The following KCND2 variants were observed in gnomAD, a reference collection of about 807,000 sequenced individuals.
The protein encoded by KCND2 is potassium voltage-gated channel subfamily D member 2, also known as A-type voltage-gated potassium channel KCND2.
Under a neutral mutation model 54.4 loss-of-function variants are expected in KCND2, and 16 were observed. The ratio of observed to expected loss-of-function variants is 0.29; its 90% confidence interval spans 0.20 to 0.45. KCND2 has a LOEUF of 0.45. Ranked by LOEUF, KCND2 falls within the 20% of genes least tolerant of loss-of-function variation. The probability of loss-of-function intolerance (pLI) is 1.00; values close to 1 mark genes in which losing one functional copy is unlikely to be tolerated. For missense variants in KCND2, 486 were observed against 824.2 expected, an observed-to-expected ratio of 0.59 and a Z score of 5.02; for synonymous variants, 317 against 310.7, an observed-to-expected ratio of 1.02 and a Z score of -0.21.
intron 1 of KCND2, among the ~76,000 whole-genome samples, chr7:120,566,894 A>T (rs918004044): frequency 6.6e-6 from 1 of 152,028 alleles, no homozygotes; most frequent in Non-Finnish European, 1.5e-5. Flanking sequence ...ATTTACGTTT[A>T]TACCTAAAAC....
chr7:120,366,907 T>C (rs1052881251), intron 1 of KCND2, among the ~76,000 whole-genome samples: 1 of 152,142 alleles, frequency 6.6e-6, no homozygotes, highest in African/African-American at 2.4e-5. Flanking sequence ...GTTGACCTTA[T>C]CTATCCATTC....
At chr7:120,625,076 G>A (rs1286739610) in intron 1 of KCND2, among the ~76,000 whole-genome samples, 1 of 152,154 alleles carries the variant, frequency 6.6e-6, no homozygotes, top group Non-Finnish European at 1.5e-5. Context: ...AAACTAGAAT[G>A]AGACTTGGCC....
At chr7:120,583,675 G>T (rs575253032) in intron 1 of KCND2, among the ~76,000 whole-genome samples, 24 of 151,456 alleles carry the variant, frequency 1.6e-4, no homozygotes, top group Middle Eastern at 3.4e-3. Flanking sequence ...TTAAATTATG[G>T]TCACCTTAAT....
intron 1 of KCND2, among the ~76,000 whole-genome samples, chr7:120,391,991 C>T (rs548745729): frequency 4.0e-5 from 6 of 151,774 alleles, no homozygotes; most frequent in East Asian, 1.9e-4. Flanking sequence ...AATCTTTGCC[C>T]GTGCGTATCC....
intron 1 of KCND2, among the ~76,000 whole-genome samples, chr7:120,473,728 TTA>T (rs1491467981): frequency 3.9e-5 from 6 of 152,192 alleles, no homozygotes; most frequent in Admixed American, 6.5e-5. Flanking sequence ...CAAAGTTTTT[TTA>T]AAAAAATGAA....
intron 1 of KCND2, among the ~76,000 whole-genome samples, chr7:120,536,882 A>T (rs1791918540): frequency 1.3e-5 from 2 of 152,100 alleles, no homozygotes; most frequent in African/African-American, 2.4e-5. Context: ...TCTGATAATG[A>T]TTCACAATAT....
At chr7:120,598,004 C>T (rs186146589) in intron 1 of KCND2, among the ~76,000 whole-genome samples, 18 of 151,798 alleles carry the variant, frequency 1.2e-4, no homozygotes, top group Non-Finnish European at 2.7e-4. Context: ...TAAAAACCGC[C>T]TCCACAAGAG....
chr7:120,551,915 GTCA>G (rs1792109512), intron 1 of KCND2, among the ~76,000 whole-genome samples: 1 of 152,070 alleles, frequency 6.6e-6, no homozygotes, highest in African/African-American at 2.4e-5. Context: ...CTTTCTGGAG[GTCA>G]TCAGAAAAAC....
rs187246618 is a variant in KCND2, at chr7:120,750,110, G to C, written c.*2252G>C. On this transcript the variant is annotated 3_prime_UTR_variant, in exon 6 of 6. Transcript: ENST00000331113. ...AGGTGATTTAAAAATATACCGTGTT[G>C]GTGGTGAATGACTATTGATGACTGT... The C allele has an allele frequency of 7.9e-5, 12 of 152,424 alleles. No individual in the cohort carries two copies. In the East Asian group the frequency reaches 2.1e-3, roughly 27 times the overall value. 9.4% of individuals were successfully genotyped at this position (152,424 alleles called of 1,614,324 possible).
At chr7:120,510,833 C>T (rs996328985) in intron 1 of KCND2, among the ~76,000 whole-genome samples, 1 of 151,922 alleles carries the variant, frequency 6.6e-6, no homozygotes, top group African/African-American at 2.4e-5. Context: ...ATGCAGCAGC[C>T]TCGTCCCTCC....
chr7:120,497,793 A>T (rs1347435601), intron 1 of KCND2, among the ~76,000 whole-genome samples: 1 of 152,214 alleles, frequency 6.6e-6, no homozygotes, highest in Non-Finnish European at 1.5e-5. Context: ...TTTGACCTAA[A>T]TTAATCACAT....
intron 1 of KCND2, among the ~76,000 whole-genome samples, chr7:120,400,109 T>G (rs1801226502): frequency 6.6e-6 from 1 of 152,132 alleles, no homozygotes; most frequent in South Asian, 2.1e-4. Flanking sequence ...CAAAACATGT[T>G]ATAATGCCTT....
chr7:120,554,945 G>T (rs1584826057), intron 1 of KCND2, among the ~76,000 whole-genome samples: 1 of 152,140 alleles, frequency 6.6e-6, no homozygotes, highest in East Asian at 1.9e-4. Context: ...CAAAGGAAAT[G>T]GATCTAAGAA....
Position 120,664,767 on chromosome 7 carries a change from T to C in KCND2, c.1116-68136T>C, listed in dbSNP as rs137897454. ...TGATTCCATGTTGCATCTACAGCTT[T>C]CCAGATGCTTTGGCTGTCACATTAG... is the stretch of plus-strand genomic sequence containing the variant. On this transcript the variant is annotated intron_variant, in intron 1 of 5. Transcript: ENST00000331113. Among the ~76,000 whole-genome samples the C allele has an allele frequency of 1.7e-3, 266 of 152,198 alleles. 3 individuals are homozygous for C. The highest frequency in any genetic ancestry group is 3.0e-3 in the Non-Finnish European group (204 of 67,946).
intron 1 of KCND2, among the ~76,000 whole-genome samples, chr7:120,525,365 C>CTA (rs1180926098): frequency 6.6e-6 from 1 of 152,132 alleles, no homozygotes; most frequent in Non-Finnish European, 1.5e-5. Context: ...TTGAACCTCC[C>CTA]TAGTTATAAA....
At chr7:120,313,900 C>T (rs991483413) in intron 1 of KCND2, among the ~76,000 whole-genome samples, 1 of 151,678 alleles carries the variant, frequency 6.6e-6, no homozygotes, top group Non-Finnish European at 1.5e-5. Flanking sequence ...GAATTTAAAC[C>T]TCTATTTTAA....
intron 1 of KCND2, among the ~76,000 whole-genome samples, chr7:120,329,827 G>T (rs1018657971): frequency 1.3e-5 from 2 of 152,190 alleles, no homozygotes; most frequent in Non-Finnish European, 2.9e-5. Context: ...GTTTTAAAGA[G>T]TGCAGTGAAT....
intron 1 of KCND2, among the ~76,000 whole-genome samples, chr7:120,306,653 CA>C (rs1333915611): frequency 1.3e-5 from 2 of 152,050 alleles, no homozygotes; most frequent in Non-Finnish European, 2.9e-5. Flanking sequence ...TCATATTCCT[CA>C]AAAACTTTCT....
At chr7:120,523,382 C>G (rs1408296185) in intron 1 of KCND2, among the ~76,000 whole-genome samples, 1 of 151,070 alleles carries the variant, frequency 6.6e-6, no homozygotes, top group Non-Finnish European at 1.5e-5. Flanking sequence ...AAATAATAAA[C>G]TTTAAAATAC....
Sources: allele counts gnomAD v4.1 joint callset (sites outside exome capture counted in the v4.1 genomes callset), GRCh38; gene constraint gnomAD v4.1.1; transcripts MANE v1.5; gene names NCBI Gene and HGNC (gene_info 2026-07-23, HGNC 2026-07-21).